MEMO1: variants seen among roughly 807,000 people sequenced by gnomAD.
The protein encoded by MEMO1 is mediator of cell motility 1, also known as protein MEMO1.
Under a neutral mutation model 45.2 loss-of-function variants are expected in MEMO1, and 6 were observed. The observed-to-expected ratio is 0.13, with a 90% CI of 0.07 to 0.26. The LOEUF (loss-of-function observed/expected upper bound fraction) is 0.26, where lower values mean the gene tolerates loss of function less well. MEMO1 is among the 10% of genes least tolerant of loss of function. MEMO1 has a pLI of 1.00. For missense variants in MEMO1, 184 were observed against 370.5 expected (o/e 0.50, Z 4.13); for synonymous variants, 78 against 124.3 (o/e 0.63, Z 2.48).
intron 6 of MEMO1, among the ~76,000 whole-genome samples, chr2:31,904,557 C>T (rs547478902): frequency 1.2e-3 from 189 of 152,326 alleles, no homozygotes; most frequent in Non-Finnish European, 1.8e-3. Flanking sequence ...CTAGATCCCT[C>T]ACATGTGCAG....
chr2:31,976,201 A>C (rs953519467), intron 2 of MEMO1, among the ~76,000 whole-genome samples: 25 of 152,214 alleles, frequency 1.6e-4, no homozygotes, highest in African/African-American at 6.0e-4. Context: ...AAGTAGAAAA[A>C]CACTAACAGC....
intron 2 of MEMO1, among the ~76,000 whole-genome samples, chr2:31,996,182 G>T (rs1442294982): frequency 1.3e-5 from 2 of 151,412 alleles, no homozygotes; most frequent in Admixed American, 1.3e-4. Flanking sequence ...AGAGGGAGAG[G>T]AGAGGGAGAG....
chr2:31,962,427 T>G (rs1363411010), intron 2 of MEMO1, among the ~76,000 whole-genome samples: 1 of 151,912 alleles, frequency 6.6e-6, no homozygotes, highest in Admixed American at 6.6e-5. Flanking sequence ...GAGAGAGAGA[T>G]AACTATAAAC....
intron 1 of MEMO1, among the ~76,000 whole-genome samples, 189 bp downstream of exon 1, chr2:32,010,753 G>A (rs1384964395): frequency 6.6e-6 from 1 of 150,998 alleles, no homozygotes; most frequent in Non-Finnish European, 1.5e-5. Context: ...CCCGCCGCCG[G>A]CCCCGCCCCG....
chr2:31,907,638 C>CA (rs1461533691), intron 6 of MEMO1, among the ~76,000 whole-genome samples: 1 of 151,968 alleles, frequency 6.6e-6, no homozygotes, highest in Non-Finnish European at 1.5e-5. Flanking sequence ...ACAAAAAATA[C>CA]AAAAATTAGC....
chr2:31,911,727 A>T (rs1558497002), intron 6 of MEMO1, among the ~76,000 whole-genome samples: 1 of 152,062 alleles, frequency 6.6e-6, no homozygotes, highest in East Asian at 1.9e-4. Context: ...ACATAACTAG[A>T]CCTTCCAGGC....
At chr2:31,879,354 TC>T (rs1675018243) in intron 8 of MEMO1, among the ~76,000 whole-genome samples, 1 of 152,144 alleles carries the variant, frequency 6.6e-6, no homozygotes, top group Non-Finnish European at 1.5e-5. Flanking sequence ...TATCTCCTCT[TC>T]CACTTAATGC....
intron 2 of MEMO1, among the ~76,000 whole-genome samples, chr2:31,995,000 G>A (rs975891537): frequency 1.4e-4 from 21 of 148,244 alleles, no homozygotes; most frequent in Admixed American, 2.7e-4. Context: ...GAGGGAGGGA[G>A]AGAGGGAGGG....
intron 2 of MEMO1, among the ~76,000 whole-genome samples, chr2:31,988,793 C>A (rs1335243995): frequency 6.6e-6 from 1 of 152,138 alleles, no homozygotes; most frequent in Non-Finnish European, 1.5e-5. Context: ...ATGGCTGTCT[C>A]AAGAAAAAGC....
At chr2:31,952,365 G>T (rs1170708138) in intron 2 of MEMO1, among the ~76,000 whole-genome samples, 2 of 152,198 alleles carry the variant, frequency 1.3e-5, no homozygotes, top group Non-Finnish European at 2.9e-5. Context: ...CCACCTCTTA[G>T]ATTTGGCCAA....
chr2:31,912,388 C>A (rs1680700919), intron 6 of MEMO1, among the ~76,000 whole-genome samples: 2 of 151,798 alleles, frequency 1.3e-5, no homozygotes, highest in Admixed American at 1.3e-4. Flanking sequence ...TGGCACTTGC[C>A]TGTAATCCCA....
At chr2:31,901,245 C>T (rs961745011) in intron 6 of MEMO1, among the ~76,000 whole-genome samples, 4 of 151,554 alleles carry the variant, frequency 2.6e-5, no homozygotes, top group South Asian at 2.1e-4. Flanking sequence ...TGGTGGCACA[C>T]GCTTGTCGTC....
chr2:31,993,537 C>T (rs1278257186), intron 2 of MEMO1, among the ~76,000 whole-genome samples: 2 of 152,156 alleles, frequency 1.3e-5, no homozygotes, highest in Non-Finnish European at 2.9e-5. Context: ...GGCTAGGTGG[C>T]TAGAATTTCC....
At chr2:31,899,158 T>C (rs1678373181) in intron 6 of MEMO1, among the ~76,000 whole-genome samples, 1 of 152,174 alleles carries the variant, frequency 6.6e-6, no homozygotes, top group Non-Finnish European at 1.5e-5. Context: ...TACCATTGAC[T>C]TTCTTCACAG....
chr2:31,912,937 G>C (rs1420371278), intron 6 of MEMO1, among the ~76,000 whole-genome samples: 2 of 152,152 alleles, frequency 1.3e-5, no homozygotes, highest in South Asian at 2.1e-4. Flanking sequence ...TTCTCCTTTA[G>C]ACTACTATTT....
At chr2:31,973,494 A>G (rs1426939362) in intron 2 of MEMO1, among the ~76,000 whole-genome samples, 1 of 152,136 alleles carries the variant, frequency 6.6e-6, no homozygotes, top group Admixed American at 6.6e-5. Context: ...AGGTATTTAA[A>G]CAGAGATACT....
chr2:31,942,444 A>G (rs1423837082), intron 3 of MEMO1, among the ~76,000 whole-genome samples: 1 of 152,218 alleles, frequency 6.6e-6, no homozygotes, highest in Non-Finnish European at 1.5e-5. Flanking sequence ...TTTCTTTAAA[A>G]GTCAGTTTTA....
intron 6 of MEMO1, among the ~76,000 whole-genome samples, chr2:31,904,223 T>C (rs1210311880): frequency 1.3e-5 from 2 of 152,196 alleles, no homozygotes; most frequent in Non-Finnish European, 2.9e-5. Flanking sequence ...CATCTGTGAA[T>C]TTGGTTTTTA....
At chr2:31,906,412 C>T (rs1679750702) in intron 6 of MEMO1, among the ~76,000 whole-genome samples, 1 of 152,076 alleles carries the variant, frequency 6.6e-6, no homozygotes, top group African/African-American at 2.4e-5. Context: ...CAACCTCCGC[C>T]TCCCAAGTTC....
Sources: gnomAD v4.1 joint callset for allele counts (sites outside exome capture counted in the v4.1 genomes callset) on GRCh38, gnomAD v4.1.1 for gene constraint, MANE v1.5 for transcripts, NCBI Gene and HGNC (gene_info 2026-07-23, HGNC 2026-07-21) for gene names.